ROBO1: variants seen among roughly 807,000 people sequenced by gnomAD.
ROBO1 encodes the protein roundabout homolog 1.
A neutral mutation model predicts 195.9 loss-of-function variants in ROBO1; 149 were observed. The ratio of observed to expected loss-of-function variants is 0.76; its 90% CI spans 0.67 to 0.87. ROBO1 has a LOEUF of 0.87. Ranked by LOEUF, ROBO1 falls within the 40% of genes least tolerant of loss-of-function variation. The pLI, the probability that ROBO1 is intolerant of heterozygous loss-of-function variation, is 0.00. For missense variants in ROBO1, 1,933 were observed against 2,068.3 expected (o/e 0.93, Z 1.27); for synonymous variants, 816 against 733.2 (o/e 1.11, Z -1.82).
At chr3:79,699,962 GT>G (rs1348641633) in intron 1 of ROBO1, among the ~76,000 whole-genome samples, 1 of 151,524 alleles carries the variant, frequency 6.6e-6, no homozygotes, top group Non-Finnish European at 1.5e-5. Context: ...AGTACAAATA[GT>G]TTTTCAGCCC....
At position 79,565,738 on chromosome 3, in the gene ROBO1, A is replaced by T. The variant is rs142355229; in HGVS notation, c.88+24086T>A. On this transcript the variant is annotated intron_variant, in intron 2 of 30. Transcript: ENST00000464233. ...CTTCACATAATACCAGTAGGTCCCA[A>T]ACTTTTTTATTATGAGGATACTTTT... Among the ~76,000 whole-genome samples, 721 of 152,174 alleles carry T rather than the reference A, an allele frequency of 4.7e-3. 7 individuals carry two copies. Among genetic ancestry groups the T allele is most frequent in the Middle Eastern group, 0.027 (8 of 294 alleles).
chr3:79,483,749 A>G (rs1182956047), intron 2 of ROBO1, among the ~76,000 whole-genome samples: 1 of 152,182 alleles, frequency 6.6e-6, no homozygotes, highest in African/African-American at 2.4e-5. Context: ...ATGTGGGTCT[A>G]TCATTGATGG....
intron 2 of ROBO1, among the ~76,000 whole-genome samples, chr3:79,445,416 T>C (rs892189149): frequency 6.6e-6 from 1 of 151,510 alleles, no homozygotes; most frequent in Non-Finnish European, 1.5e-5. Flanking sequence ...TAGAACTATA[T>C]ACGTAGTAAT....
chr3:78,993,335 T>A (rs2077281500), intron 3 of ROBO1, among the ~76,000 whole-genome samples: 1 of 152,192 alleles, frequency 6.6e-6, no homozygotes, highest in Admixed American at 6.5e-5. Context: ...TTAACAAGCA[T>A]ACTCAAATCC....
At chr3:79,027,533 T>C (rs2078223402) in intron 3 of ROBO1, among the ~76,000 whole-genome samples, 1 of 152,038 alleles carries the variant, frequency 6.6e-6, no homozygotes, top group South Asian at 2.1e-4. Context: ...AAGGGCTCAG[T>C]CTTGTGGGTA....
chr3:79,700,799 A>G (rs779080567), intron 1 of ROBO1, among the ~76,000 whole-genome samples: 4 of 151,612 alleles, frequency 2.6e-5, no homozygotes, highest in African/African-American at 7.3e-5. Flanking sequence ...CTTTGTGAAT[A>G]TTTTCTCCCA....
At chr3:78,740,104 T>C (rs1050967450) in intron 5 of ROBO1, among the ~76,000 whole-genome samples, 5 of 152,276 alleles carry the variant, frequency 3.3e-5, no homozygotes, top group Admixed American at 3.3e-4. Context: ...CATAAAGTGC[T>C]TGTAATAGGA....
At chr3:79,725,933 A>G (rs35047166) in intron 1 of ROBO1, among the ~76,000 whole-genome samples, 1 of 151,382 alleles carries the variant, frequency 6.6e-6, no homozygotes, top group African/African-American at 2.4e-5. Context: ...TAAAAAAAAA[A>G]GTATATCTGG....
At chr3:79,314,128 G>C (rs1220927610) in intron 2 of ROBO1, among the ~76,000 whole-genome samples, 3 of 152,198 alleles carry the variant, frequency 2.0e-5, no homozygotes, top group African/African-American at 7.2e-5. Flanking sequence ...CTCCTTTAAA[G>C]GTTGAAAAGG....
intron 1 of ROBO1, among the ~76,000 whole-genome samples, chr3:79,631,165 A>G (rs1187602036): frequency 7.4e-6 from 1 of 134,782 alleles, no homozygotes; most frequent in Admixed American, 6.9e-5. Flanking sequence ...TTCATATGGA[A>G]CAAAAAAGAG....
intron 3 of ROBO1, among the ~76,000 whole-genome samples, chr3:78,998,152 G>A (rs906173813): frequency 3.9e-5 from 6 of 152,208 alleles, no homozygotes; most frequent in Admixed American, 2.6e-4. Context: ...CAATTGCGAC[G>A]TACTTATCAA....
At chr3:79,670,543 A>G (rs1016580085) in intron 1 of ROBO1, among the ~76,000 whole-genome samples, 8 of 151,880 alleles carry the variant, frequency 5.3e-5, no homozygotes. Flanking sequence ...TTGACTTTAT[A>G]GACTACACCA....
At chr3:78,605,119 T>G (rs2107272918) in intron 29 of ROBO1, among the ~76,000 whole-genome samples, 1 of 152,334 alleles carries the variant, frequency 6.6e-6, no homozygotes, top group Non-Finnish European at 1.5e-5. Flanking sequence ...AAAAAACATA[T>G]TGCAAGATCC....
At chr3:78,653,901 A>G (rs1706833382) in intron 18 of ROBO1, among the ~76,000 whole-genome samples, 1 of 152,212 alleles carries the variant, frequency 6.6e-6, no homozygotes, top group Non-Finnish European at 1.5e-5. Context: ...GAACACCCAC[A>G]ACCAAATTCT....
chr3:78,633,215 G>C (rs1217465805), intron 24 of ROBO1, among the ~76,000 whole-genome samples: 1 of 152,198 alleles, frequency 6.6e-6, no homozygotes, highest in Non-Finnish European at 1.5e-5. Context: ...AGTCGGTTTT[G>C]TTCTCATTGT....
chr3:78,670,555 A>C, intron 10 of ROBO1: 1 of 440,250 alleles, frequency 2.3e-6, no homozygotes, highest in Non-Finnish European at 4.1e-6. Context: ...GGCCTATTTA[A>C]AGAGTTCGGG....
intron 2 of ROBO1, among the ~76,000 whole-genome samples, chr3:79,483,325 T>C (rs370284994): frequency 2.0e-5 from 3 of 152,320 alleles, no homozygotes; most frequent in South Asian, 2.1e-4. Flanking sequence ...AGTGTACTAA[T>C]TGTGGTCCCA....
At chr3:79,448,793 G>T (rs2078180782) in intron 2 of ROBO1, among the ~76,000 whole-genome samples, 1 of 152,146 alleles carries the variant, frequency 6.6e-6, no homozygotes, top group African/African-American at 2.4e-5. Context: ...ACATGTTGCA[G>T]CCTGAGAAAT....
At chr3:79,231,852 A>G (rs1318971813) in intron 2 of ROBO1, among the ~76,000 whole-genome samples, 1 of 152,130 alleles carries the variant, frequency 6.6e-6, no homozygotes, top group Non-Finnish European at 1.5e-5. Context: ...AAGAAAATGC[A>G]GTACATATAC....
Sources: gnomAD v4.1 joint callset for allele counts (sites outside exome capture counted in the v4.1 genomes callset) on GRCh38, gnomAD v4.1.1 for gene constraint, MANE v1.5 for transcripts, NCBI Gene and HGNC (gene_info 2026-07-23, HGNC 2026-07-21) for gene names.